Variants in C1QTNF3 observed in about 807,000 individuals in gnomAD.
C1QTNF3 encodes C1q and TNF related 3, also known as complement C1q tumor necrosis factor-related protein 3.
In C1QTNF3, 26 loss-of-function variants were observed where a neutral mutation model predicts 32.6. The observed-to-expected ratio is 0.80, with a 90% CI of 0.58 to 1.11. The LOEUF is 1.11. Ranked by LOEUF, C1QTNF3 falls within the 50% of genes least tolerant of loss-of-function variation. C1QTNF3 has a pLI of 0.00. For missense variants in C1QTNF3, 362 were observed against 398.2 expected, an observed-to-expected ratio of 0.91 and a Z score of 0.77; for synonymous variants, 155 against 146.0, an observed-to-expected ratio of 1.06 and a Z score of -0.44.
At chr5:34,138,958 C>T in the C1QTNF3 span, among the ~76,000 whole-genome samples, 14 of 151,666 alleles carry the variant, frequency 9.2e-5, no homozygotes, top group Non-Finnish European at 1.5e-4. Flanking sequence ...ATCAACAAAA[C>T]CAATGTTAGG....
At chr5:34,071,035 C>G in the C1QTNF3 span, among the ~76,000 whole-genome samples, 1 of 152,174 alleles carries the variant, frequency 6.6e-6, no homozygotes, top group Non-Finnish European at 1.5e-5. Context: ...ATATAGCAAT[C>G]AACTTTGTTG....
chr5:34,146,529 T>C, the C1QTNF3 span, among the ~76,000 whole-genome samples: 3 of 152,206 alleles, frequency 2.0e-5, no homozygotes, highest in African/African-American at 7.2e-5. Flanking sequence ...TACAATCACC[T>C]GATCTTCAAC....
chr5:34,126,517 C>T, the C1QTNF3 span, among the ~76,000 whole-genome samples: 1 of 148,102 alleles, frequency 6.8e-6, no homozygotes. Flanking sequence ...ATAGTACAAC[C>T]ACTACAGAAA....
At chr5:34,131,515 T>C in the C1QTNF3 span, among the ~76,000 whole-genome samples, 2,011 of 151,878 alleles carry the variant, frequency 0.013, 24 homozygotes, top group South Asian at 0.032. Context: ...TTACGTAAAA[T>C]AAGCTAAGAA....
the C1QTNF3 span, among the ~76,000 whole-genome samples, chr5:34,150,175 C>T: frequency 2.0e-5 from 1 of 49,528 alleles, no homozygotes; most frequent in Non-Finnish European, 3.5e-5. Flanking sequence ...AATATTTATG[C>T]ACCCAATACA....
chr5:34,225,207 A>G, the C1QTNF3 span, among the ~76,000 whole-genome samples: 3 of 151,970 alleles, frequency 2.0e-5, no homozygotes, highest in Non-Finnish European at 4.4e-5. Flanking sequence ...TTAGGAGGCT[A>G]TTGCAATAAC....
At chr5:34,223,929 A>G in the C1QTNF3 span, among the ~76,000 whole-genome samples, 8 of 152,118 alleles carry the variant, frequency 5.3e-5, no homozygotes, top group African/African-American at 1.7e-4. Flanking sequence ...AATCTCCTTA[A>G]GCTGATGAGC....
At chr5:34,175,029 G>A in the C1QTNF3 span, among the ~76,000 whole-genome samples, 2 of 150,866 alleles carry the variant, frequency 1.3e-5, no homozygotes, top group Non-Finnish European at 2.9e-5. Flanking sequence ...TTACAGGCAT[G>A]AGCCACCGTG....
chr5:34,124,452 AT>A, the C1QTNF3 span: 1 of 716,752 alleles, frequency 1.4e-6, no homozygotes, highest in African/African-American at 1.7e-5. Context: ...GCTCTTAGTC[AT>A]GGCAGAAAGT....
the C1QTNF3 span, among the ~76,000 whole-genome samples, chr5:34,076,947 C>T: frequency 4.0e-5 from 6 of 151,592 alleles, no homozygotes; most frequent in African/African-American, 1.5e-4. Context: ...TACTGTGATG[C>T]CTTAACAGGC....
chr5:34,091,360 T>A, the C1QTNF3 span, among the ~76,000 whole-genome samples: 1 of 152,408 alleles, frequency 6.6e-6, no homozygotes, highest in Admixed American at 6.5e-5. Context: ...GAATGTGCTT[T>A]CCTTTATTTT....
At chr5:34,073,098 C>A in the C1QTNF3 span, among the ~76,000 whole-genome samples, 1 of 152,070 alleles carries the variant, frequency 6.6e-6, no homozygotes, top group Admixed American at 6.5e-5. Context: ...GAAGCCGTGG[C>A]GGGTGGATCA....
the C1QTNF3 span, chr5:34,167,350 A>G: frequency 6.6e-6 from 1 of 152,136 alleles, no homozygotes; most frequent in Non-Finnish European, 1.5e-5. Flanking sequence ...ATCTTAATTC[A>G]TCTTTCGACA....
the C1QTNF3 span, among the ~76,000 whole-genome samples, chr5:34,069,932 T>C: frequency 8.5e-5 from 13 of 152,204 alleles, no homozygotes; most frequent in Non-Finnish European, 1.8e-4. Flanking sequence ...GCTCTATCAG[T>C]GTATAAGGTG....
the C1QTNF3 span, among the ~76,000 whole-genome samples, chr5:34,118,710 T>A: frequency 6.6e-6 from 1 of 152,080 alleles, no homozygotes; most frequent in Non-Finnish European, 1.5e-5. Flanking sequence ...TTTTCAAGAT[T>A]TTCTCTCTCT....
the C1QTNF3 span, among the ~76,000 whole-genome samples, chr5:34,195,582 C>A: frequency 6.6e-6 from 1 of 152,256 alleles, no homozygotes; most frequent in African/African-American, 2.4e-5. Context: ...TGGCTCATGC[C>A]TGTAATCCCA....
chr5:34,134,787 T>C, the C1QTNF3 span, among the ~76,000 whole-genome samples: 15 of 152,354 alleles, frequency 9.8e-5, no homozygotes, highest in African/African-American at 3.6e-4. Context: ...CCTGAGACTT[T>C]GCTGAAGTTG....
At chr5:34,158,912 T>C in the C1QTNF3 span, 4 of 152,114 alleles carry the variant, frequency 2.6e-5, no homozygotes, top group East Asian at 7.7e-4. Flanking sequence ...ATAGAAGAAA[T>C]AAGACTGAAG....
At chr5:34,195,528 C>T in the C1QTNF3 span, among the ~76,000 whole-genome samples, 1 of 151,930 alleles carries the variant, frequency 6.6e-6, no homozygotes, top group Non-Finnish European at 1.5e-5. Context: ...CTACAGACTG[C>T]ATGTTTGTGT....
Sources: gnomAD v4.1 joint callset for allele counts (sites outside exome capture counted in the v4.1 genomes callset) on GRCh38, gnomAD v4.1.1 for gene constraint, MANE v1.5 for transcripts, NCBI Gene and HGNC (gene_info 2026-07-23, HGNC 2026-07-21) for gene names.